The following TAFA1 variants were observed in gnomAD, a reference collection of about 807,000 sequenced individuals.
TAFA1 encodes the protein TAFA chemokine like family member 1.
TAFA1 carries 4 observed loss-of-function variants against 18.5 expected under a neutral mutation model. The ratio of observed to expected loss-of-function variants is 0.22; its 90% CI spans 0.11 to 0.49. The LOEUF is 0.49. Ranked by LOEUF, TAFA1 falls within the 20% of genes least tolerant of loss-of-function variation. The pLI is 0.98. For missense variants in TAFA1, 147 were observed against 169.0 expected (o/e 0.87, Z 0.72); for synonymous variants, 56 against 55.2 (o/e 1.01, Z -0.06).
chr3:68,510,413 AC>A (rs2072827327), intron 3 of TAFA1, among the ~76,000 whole-genome samples: 1 of 152,074 alleles, frequency 6.6e-6, no homozygotes, highest in African/African-American at 2.4e-5. Context: ...GCCCAATCAT[AC>A]CATCTTGAAC....
intron 2 of TAFA1, among the ~76,000 whole-genome samples, chr3:68,158,488 T>C (rs192874347): frequency 6.6e-6 from 1 of 151,986 alleles, no homozygotes; most frequent in East Asian, 1.9e-4. Context: ...ACTAGATACA[T>C]TGTGGCCATT....
rs2065373666 is a variant in TAFA1 at position 68,120,171 on chromosome 3, C to CTCTTTT, written c.118+113432_118+113433insTTCTTT. Among the ~76,000 whole-genome samples, 255 of 84,506 alleles carry CTCTTTT rather than the reference C, an allele frequency of 3.0e-3. 2 individuals carry two copies. The highest frequency in any genetic ancestry group is 4.6e-3 in the Non-Finnish European group (194 of 42,208). 55.4% of individuals were successfully genotyped at this position (84,506 alleles called of 152,430 possible). On this transcript the variant is annotated intron_variant, in intron 2 of 4. Coordinates refer to ENST00000478136, the MANE Select transcript of TAFA1 (RefSeq NM_213609.4). ...TTTCTTTCTTTCTTTCTCTTTCTTTCTCTTTCTTTCTTTCTTTCTTTCTTT... is the reference window on the plus strand; with the variant it reads ...TTTCTTTCTTTCTTTCTCTTTCTTTCTCTTTTTCTTTCTTTCTTTCTTTCTTTCTTT...
upstream of TAFA1, among the ~76,000 whole-genome samples, chr3:67,999,793 CTTTCT>C (rs2106758691): frequency 2.8e-5 from 4 of 143,558 alleles, no homozygotes; most frequent in South Asian, 8.5e-4. Context: ...TATTTCTTTC[CTTTCT>C]TTTTTTTTTT....
At chr3:68,075,953 T>A (rs9849525) in intron 2 of TAFA1, among the ~76,000 whole-genome samples, 75,578 of 152,066 alleles carry the variant, frequency 0.5, 19,268 homozygotes, top group South Asian at 0.64. Flanking sequence ...TGCCTCAGTC[T>A]CTCAAAGTGC....
intron 2 of TAFA1, among the ~76,000 whole-genome samples, chr3:68,105,267 A>T (rs751820795): frequency 1.3e-5 from 2 of 152,168 alleles, no homozygotes; most frequent in Non-Finnish European, 2.9e-5. Context: ...CATTCAAAAT[A>T]TATCAGTATC....
chr3:68,290,345 A>G (rs1374942290), intron 2 of TAFA1, among the ~76,000 whole-genome samples: 3 of 152,160 alleles, frequency 2.0e-5, no homozygotes, highest in Admixed American at 1.3e-4. Context: ...CATGTAAAAC[A>G]CTACCCTTAA....
chr3:67,992,788 C>A, the TAFA1 span, among the ~76,000 whole-genome samples: 1 of 152,198 alleles, frequency 6.6e-6, no homozygotes, highest in East Asian at 1.9e-4. Flanking sequence ...TTTCCTCTTT[C>A]TCTTGTGGGT....
chr3:68,368,902 C>T (rs1489283330), intron 2 of TAFA1, among the ~76,000 whole-genome samples: 1 of 152,094 alleles, frequency 6.6e-6, no homozygotes, highest in East Asian at 1.9e-4. Flanking sequence ...CTGTTTTCTC[C>T]GTGAATTAAC....
At chr3:68,416,678 A>C (rs543277493) in intron 2 of TAFA1, among the ~76,000 whole-genome samples, 6 of 152,210 alleles carry the variant, frequency 3.9e-5, no homozygotes, top group Non-Finnish European at 1.5e-5. Context: ...CAATTAAGTC[A>C]AGCTATATGA....
chr3:68,539,248 C>T (rs895495385), intron 4 of TAFA1, among the ~76,000 whole-genome samples: 3 of 152,204 alleles, frequency 2.0e-5, no homozygotes, highest in Middle Eastern at 3.4e-3. Flanking sequence ...AAAGGGTCTG[C>T]GTTTAAGTAC....
intron 1 of TAFA1, among the ~76,000 whole-genome samples, chr3:68,005,070 A>G (rs35663652): frequency 0.016 from 2,410 of 152,166 alleles, 70 homozygotes; most frequent in African/African-American, 0.054. Context: ...AGTACATTTT[A>G]ACTGCAATTC....
chr3:68,470,261 C>T (rs1247599497), intron 3 of TAFA1, among the ~76,000 whole-genome samples: 1 of 152,170 alleles, frequency 6.6e-6, no homozygotes, highest in Non-Finnish European at 1.5e-5. Context: ...GTCAATTAAA[C>T]CTCTTTTCTT....
chr3:68,473,359 T>C (rs2072036519), intron 3 of TAFA1, among the ~76,000 whole-genome samples: 1 of 152,202 alleles, frequency 6.6e-6, no homozygotes, highest in Non-Finnish European at 1.5e-5. Context: ...GATTATTATG[T>C]TGTGAATTGA....
intron 2 of TAFA1, among the ~76,000 whole-genome samples, chr3:68,190,751 C>A (rs1271394688): frequency 6.6e-6 from 1 of 151,738 alleles, no homozygotes; most frequent in African/African-American, 2.4e-5. Context: ...ACCATGTGGG[C>A]TGTTAAGTTT....
intron 2 of TAFA1, among the ~76,000 whole-genome samples, chr3:68,394,619 G>A (rs553362421): frequency 1.3e-5 from 2 of 152,178 alleles, no homozygotes; most frequent in South Asian, 4.2e-4. Flanking sequence ...TAGACCAGTG[G>A]AACAGAACAG....
chr3:68,447,134 A>G (rs993049468), intron 3 of TAFA1, among the ~76,000 whole-genome samples: 1 of 152,208 alleles, frequency 6.6e-6, no homozygotes, highest in African/African-American at 2.4e-5. Context: ...AAAGTGAGCT[A>G]GCATTTGTTA....
At chr3:68,300,792 G>A (rs1007765143) in intron 2 of TAFA1, among the ~76,000 whole-genome samples, 2 of 152,114 alleles carry the variant, frequency 1.3e-5, no homozygotes, top group African/African-American at 4.8e-5. Context: ...AGATTTGATG[G>A]TTTTATAAGT....
chr3:68,444,381 T>G (rs1278247039), intron 3 of TAFA1, among the ~76,000 whole-genome samples: 1 of 152,194 alleles, frequency 6.6e-6, no homozygotes, highest in Non-Finnish European at 1.5e-5. Context: ...TCTTTTTCTC[T>G]GTCACTCTCG....
chr3:68,296,698 G>A (rs898692563), intron 2 of TAFA1, among the ~76,000 whole-genome samples: 1 of 152,102 alleles, frequency 6.6e-6, no homozygotes, highest in African/African-American at 2.4e-5. Context: ...CCACTTGTGT[G>A]CCCTTATATT....
Sources: allele counts gnomAD v4.1 joint callset (sites outside exome capture counted in the v4.1 genomes callset), GRCh38; gene constraint gnomAD v4.1.1; transcripts MANE v1.5; gene names NCBI Gene and HGNC (gene_info 2026-07-23, HGNC 2026-07-21).